C2: variants seen among roughly 807,000 people sequenced by gnomAD.
The protein encoded by C2 is C3/C5 convertase.
Under a neutral mutation model 85.2 loss-of-function variants are expected in C2, and 64 were observed. The ratio of observed to expected loss-of-function variants is 0.75; its 90% CI spans 0.61 to 0.92. C2 has a LOEUF of 0.92. Ranked by LOEUF, C2 falls within the 40% of genes least tolerant of loss-of-function variation. The pLI is 0.00. For missense variants in C2, 820 were observed against 971.6 expected, an observed-to-expected ratio of 0.84 and a Z score of 2.07; for synonymous variants, 311 against 370.8, an observed-to-expected ratio of 0.84 and a Z score of 1.85.
At position 31,945,450 on chromosome 6, in the gene C2, CCT is replaced by C; in HGVS notation, c.*99_*100del. On this transcript the variant is annotated 3_prime_UTR_variant, in exon 18 of 18. Coordinates refer to ENST00000299367, the MANE Select transcript of C2 (RefSeq NM_000063.6). This position sits in a 1 kb window ranked among gnomAD's most constrained non-coding sequence, Gnocchi z 5.3. ...GCCACCCTTAGACCCTGTGATCCATCCTCTCTCCTAGCTGAGTAAATCCGGGT... is the reference window on the plus strand; with the variant it reads ...GCCACCCTTAGACCCTGTGATCCATCCTCTCCTAGCTGAGTAAATCCGGGT... The C allele has an allele frequency of 8.3e-7, 1 of 1,208,246 alleles. No homozygotes were observed. Among genetic ancestry groups the C allele is most frequent in the Non-Finnish European group, 1.2e-6 (1 of 822,894 alleles). The allele number at this position is 1,208,246 out of a possible 1,614,324, so 74.8% of individuals were successfully genotyped here.
At chr6:31,915,009 C>A (rs901151625), upstream of C2, among the ~76,000 whole-genome samples, 1 of 152,080 alleles carries the variant, frequency 6.6e-6, no homozygotes, top group Non-Finnish European at 1.5e-5. Flanking sequence ...GGCTCAGGGG[C>A]CCCGTGGTCT....
intron 1 of C2, among the ~76,000 whole-genome samples, chr6:31,905,927 C>T (rs563741769): frequency 3.3e-5 from 5 of 152,144 alleles, no homozygotes; most frequent in South Asian, 4.2e-4. Context: ...AATCCAAAAC[C>T]GTAGCAAACA....
chr6:31,932,148 C>G (rs1399264377), intron 3 of C2, among the ~76,000 whole-genome samples: 1 of 107,860 alleles, frequency 9.3e-6, no homozygotes, highest in African/African-American at 4.1e-5. Flanking sequence ...CCGGACGGGG[C>G]GGCTGGCCGG....
chr6:31,937,352 CGGCCTTAAACAGT>C lies in C2; in HGVS notation c.1024_1036del (p.Ala342SerfsTer4). On this transcript the variant is annotated frameshift_variant, in exon 8 of 18. Transcript: ENST00000299367. LOFTEE classifies it high-confidence loss of function. ...AATGGAACTGGGACTAACACCTATG[CGGCCTTAAACAGT>C]GTCTATCTCATGATGAACAACCAAA... The C allele has an allele frequency of 6.2e-7, 1 of 1,612,754 alleles. No homozygotes were observed. Among genetic ancestry groups the C allele is most frequent in the Non-Finnish European group, 8.5e-7 (1 of 1,179,886 alleles).
intron 6 of C2, 69 bp downstream of exon 6, chr6:31,934,368 C>T (rs751976713): frequency 2.5e-6 from 4 of 1,605,290 alleles, no homozygotes; most frequent in Non-Finnish European, 3.4e-6. Flanking sequence ...GTCTCCTTCC[C>T]CTCCTCAGAA....
chr6:31,931,721 C>A (rs1266185381), intron 3 of C2, among the ~76,000 whole-genome samples: 1 of 152,206 alleles, frequency 6.6e-6, no homozygotes. Flanking sequence ...CCTTTCCCCC[C>A]TTTCTATTCC....
chr6:31,904,243 G>T lies in C2; in HGVS notation c.73+3104G>T, dbSNP rs984503467. Among the ~76,000 whole-genome samples, 3 of 151,936 alleles carry T rather than the reference G, an allele frequency of 2.0e-5. No individual in the cohort carries two copies. Among genetic ancestry groups the T allele is most frequent in the Non-Finnish European group, 4.4e-5 (3 of 68,016 alleles). On this transcript the variant is annotated intron_variant, in intron 1 of 3. Transcript: ENST00000452202. This position sits in a 1 kb window ranked among gnomAD's most constrained non-coding sequence, Gnocchi z 4.4. ...TGCAGTAGTTGCTGAGTAAACAATA[G>T]CTCTGTTCTCCTTTTCCTAATCTGG... is the stretch of plus-strand genomic sequence containing the variant.
chr6:31,904,376 C>T lies in C2; in HGVS notation c.73+3237C>T, dbSNP rs1377972429. On this transcript the variant is annotated intron_variant, in intron 1 of 3. Coordinates refer to the C2 transcript ENST00000452202. This position sits in a 1 kb window ranked among gnomAD's most constrained non-coding sequence, Gnocchi z 4.4. ...TCACCCAGGCTGGAGTGCAATAGCA[C>T]GATCTTGGCTCACTGCAACCTCCGC... Among the ~76,000 whole-genome samples, 2 of 152,040 alleles carry T rather than the reference C, an allele frequency of 1.3e-5. No individual in the cohort carries two copies. Among genetic ancestry groups the T allele is most frequent in the African/African-American group, 4.8e-5 (2 of 41,340 alleles).
intron 1 of C2, chr6:31,901,298 G>C (rs760139294): frequency 6.2e-7 from 1 of 1,608,752 alleles, no homozygotes; most frequent in South Asian, 1.1e-5. Context: ...TTCCACCCCA[G>C]AGGCCATTGT....
upstream of C2, among the ~76,000 whole-genome samples, chr6:31,919,773 C>T (rs1207061891): frequency 6.6e-6 from 1 of 152,110 alleles, no homozygotes; most frequent in Non-Finnish European, 1.5e-5. Flanking sequence ...ACAGATAAGC[C>T]TTAAGCTTGC....
Position 31,944,698 on chromosome 6 carries a change from C to T in C2, c.1903-29C>T, listed in dbSNP as rs2151775005. 5 of 1,612,770 alleles carry T rather than the reference C, an allele frequency of 3.1e-6. No homozygotes were observed. The highest frequency in any genetic ancestry group is 4.2e-6 in the Non-Finnish European group (5 of 1,179,970). ...ACCCACCCGGGTCTGCTTATTCTAC[C>T]CTTCTCTCTGGTTCCACCCCTGCTG... On this transcript the variant is annotated intron_variant, in intron 15 of 17. Coordinates refer to ENST00000299367, the MANE Select transcript of C2 (RefSeq NM_000063.6). This position sits in a 1 kb window ranked among gnomAD's most constrained non-coding sequence, Gnocchi z 5.1.
chr6:31,915,470 G>T (rs1361848910), upstream of C2, among the ~76,000 whole-genome samples: 1 of 152,190 alleles, frequency 6.6e-6, no homozygotes, highest in East Asian at 1.9e-4. Flanking sequence ...TCCCCTGTTT[G>T]TGTCCCTGTG....
chr6:31,911,949 T>TC (rs1382449323), intron 1 of C2, among the ~76,000 whole-genome samples: 12 of 149,882 alleles, frequency 8.0e-5, no homozygotes, highest in Admixed American at 2.0e-4. Context: ...TTTTTTTTTT[T>TC]CCAATTTGAG....
rs1562617931 is a variant in C2 at position 31,944,161 on chromosome 6, G to A, written c.1837G>A (p.Val613Ile). 2 of 1,612,720 alleles carry A rather than the reference G, an allele frequency of 1.2e-6. No individual in the cohort carries two copies. The highest frequency in any genetic ancestry group is 1.6e-4 in the Middle Eastern group (1 of 6,062). The change falls in exon 15 of 18, where the codon GTT (valine) becomes ATT (isoleucine). Residue 613 changes from valine (V) to isoleucine (I), a missense_variant. Transcript: ENST00000299367. This position sits in a 1 kb window ranked among gnomAD's most constrained non-coding sequence, Gnocchi z 5.1. ...HENELLNKQS[V>I]PAHFVALNGS... is the part of the protein sequence containing the mutation. ...GAATGAACTGCTGAACAAACAGAGT[G>A]TTCCTGCTCATTTTGTCGCCTTGAA...
chr6:31,937,231 C>A, intron 7 of C2, 88 bp from the exon 8 acceptor site: 6 of 1,391,084 alleles, frequency 4.3e-6, no homozygotes, highest in Non-Finnish European at 6.1e-6. Flanking sequence ...AATTGCATTT[C>A]CAATAATTGG....
chr6:31,929,839 C>T (rs548672297), intron 3 of C2, among the ~76,000 whole-genome samples: 4 of 151,188 alleles, frequency 2.6e-5, no homozygotes, highest in East Asian at 2.0e-4. Context: ...GCCTGGTCAA[C>T]GTGGTGAAAC....
At chr6:31,908,268 A>G (rs568331554) in intron 1 of C2, among the ~76,000 whole-genome samples, 2 of 151,860 alleles carry the variant, frequency 1.3e-5, no homozygotes, top group South Asian at 4.2e-4. Context: ...TGTTGAGTCT[A>G]CAGGCATGAG....
rs757537938 is a variant in C2 at position 31,943,672 on chromosome 6, A to C, written c.1596A>C (p.Glu532Asp). 6.2e-7 allele frequency: 1 copy of C among 1,613,032 alleles called. No individual in the cohort carries two copies. Among genetic ancestry groups the C allele is most frequent in the East Asian group, 2.2e-5 (1 of 44,886 alleles). ...VGDPKSQWGK[E>D]FLIEKAVISP... The stretch of plus-strand genomic sequence containing the variant: ...ACCCCAAATCCCAGTGGGGCAAAGA[A>C]TTCCTTATTGAGAAGGCGGTGATCT... Residue 532 changes from glutamate to aspartate, a missense_variant, in exon 13 of 18, where the codon GAA (glutamate) becomes GAC (aspartate). By Grantham distance (45) the Glu-to-Asp change is conservative (BLOSUM62 2). Transcript: ENST00000299367. This position sits in a 1 kb window ranked among gnomAD's most constrained non-coding sequence, Gnocchi z 6.4.
At chr6:31,926,592 A>C (rs1188414499), upstream of C2, among the ~76,000 whole-genome samples, 1 of 150,980 alleles carries the variant, frequency 6.6e-6, no homozygotes, top group Non-Finnish European at 1.5e-5. Context: ...TCAGCCTCCC[A>C]AAATGCTGGG....
Sources: allele counts gnomAD v4.1 joint callset (sites outside exome capture counted in the v4.1 genomes callset), GRCh38; gene constraint gnomAD v4.1.1; non-coding constraint Gnocchi (gnomAD v3.1); transcripts MANE v1.5; gene names NCBI Gene and HGNC (gene_info 2026-07-23, HGNC 2026-07-21).